Variants in SLC24A2 observed in about 807,000 individuals in gnomAD.
SLC24A2 encodes solute carrier family 24 member 2, also known as sodium/potassium/calcium exchanger 2.
Under a neutral mutation model 62.0 loss-of-function variants are expected in SLC24A2, and 36 were observed. The ratio of observed to expected loss-of-function variants is 0.58; its 90% CI spans 0.44 to 0.77. SLC24A2 has a LOEUF of 0.77. Ranked by LOEUF, SLC24A2 falls within the 30% of genes least tolerant of loss-of-function variation. The probability of loss-of-function intolerance (pLI) is 0.00; values close to 1 mark genes in which losing one functional copy is unlikely to be tolerated. For synonymous variants in SLC24A2, 358 were observed against 294.0 expected (o/e 1.22, Z -2.23); for missense variants, 846 against 817.9 (o/e 1.03, Z -0.42).
chr9:20,167,887 G>GT, the SLC24A2 span, among the ~76,000 whole-genome samples: 463 of 143,250 alleles, frequency 3.2e-3, 2 homozygotes, highest in South Asian at 0.022. Flanking sequence ...GCCCAGCCCT[G>GT]TTTTTTTTTT....
Position 19,560,907 on chromosome 9 carries a change from A to G in SLC24A2, c.1348-10639T>C, listed in dbSNP as rs574883512. Among the ~76,000 whole-genome samples the G allele has an allele frequency of 6.4e-3, 325 of 50,686 alleles. 2 individuals carry two copies. Among genetic ancestry groups the G allele is most frequent in the African/African-American group, 0.016 (163 of 10,382 alleles). 33.3% of individuals were successfully genotyped at this position (50,686 alleles called of 152,430 possible). A position where few individuals can be genotyped will look rare whatever the true frequency, so the allele number is the denominator to read the frequency against. On this transcript the variant is annotated intron_variant, in intron 7 of 10. Transcript: ENST00000341998. ...TGTGTGTGTGTGTGTGTATATATAT[A>G]TATATATATAGAGAGAGAGAGAGAG...
chr9:20,258,878 A>G, the SLC24A2 span, among the ~76,000 whole-genome samples: 1 of 151,200 alleles, frequency 6.6e-6, no homozygotes, highest in Non-Finnish European at 1.5e-5. Context: ...CCATCCATCC[A>G]TCCATCCATC....
At chr9:19,862,165 G>A in the SLC24A2 span, among the ~76,000 whole-genome samples, 1 of 151,960 alleles carries the variant, frequency 6.6e-6, no homozygotes, top group African/African-American at 2.4e-5. Flanking sequence ...AACTCCCAAA[G>A]GTCAAGGGTA....
At chr9:20,038,597 T>G in the SLC24A2 span, among the ~76,000 whole-genome samples, 27 of 140,512 alleles carry the variant, frequency 1.9e-4, no homozygotes, top group Non-Finnish European at 3.6e-4. Context: ...CTTTCTACGA[T>G]ATTTTTTTTC....
chr9:19,709,125 A>T (rs1460709852), intron 2 of SLC24A2, among the ~76,000 whole-genome samples: 1 of 152,208 alleles, frequency 6.6e-6, no homozygotes, highest in Admixed American at 6.5e-5. Context: ...AAAAGAAGAC[A>T]TTTATGCAGC....
the SLC24A2 span, among the ~76,000 whole-genome samples, chr9:19,867,195 C>T: frequency 6.6e-6 from 1 of 151,912 alleles, no homozygotes; most frequent in Non-Finnish European, 1.5e-5. Context: ...ATATATACAC[C>T]TGCTGTGTAC....
chr9:20,145,973 T>C, the SLC24A2 span, among the ~76,000 whole-genome samples: 1 of 152,058 alleles, frequency 6.6e-6, no homozygotes, highest in African/African-American at 2.4e-5. Context: ...TTCTATGCAG[T>C]CTTGCTAATG....
chr9:19,636,585 T>C (rs10117911), intron 2 of SLC24A2, among the ~76,000 whole-genome samples: 151,409 of 151,428 alleles, frequency 1, 75,695 homozygotes, highest in Middle Eastern at 1. Context: ...CAGGCAGCCA[T>C]CAACTTGCCC....
At chr9:19,667,301 G>T (rs1325456384) in intron 2 of SLC24A2, among the ~76,000 whole-genome samples, 4 of 152,162 alleles carry the variant, frequency 2.6e-5, no homozygotes, top group Admixed American at 6.5e-5. Flanking sequence ...AATGCACTGT[G>T]ATTTATCCTT....
At chr9:19,520,783 G>A in intron 10 of SLC24A2, 111 bp downstream of exon 10, 1 of 922,234 alleles carries the variant, frequency 1.1e-6, no homozygotes, top group Non-Finnish European at 1.8e-6. Context: ...ACTCTGTATT[G>A]GTATTGGTTA....
At chr9:19,778,470 A>T (rs991366290) in intron 2 of SLC24A2, among the ~76,000 whole-genome samples, 5 of 152,100 alleles carry the variant, frequency 3.3e-5, no homozygotes, top group Non-Finnish European at 4.4e-5. Context: ...AGAAAAAAAA[A>T]ATCTGCCTCG....
intron 8 of SLC24A2, 127 bp downstream of exon 8, chr9:19,550,010 G>C: frequency 1.1e-6 from 1 of 878,716 alleles, no homozygotes; most frequent in South Asian, 1.4e-5. Flanking sequence ...CCTATTTATG[G>C]GGTATATGTG....
chr9:19,530,180 T>C (rs1048036229), intron 8 of SLC24A2, among the ~76,000 whole-genome samples: 2 of 151,684 alleles, frequency 1.3e-5, no homozygotes, highest in African/African-American at 4.9e-5. Flanking sequence ...GCATTTAGCT[T>C]ATTAAAGTTC....
chr9:20,126,805 A>G, the SLC24A2 span, among the ~76,000 whole-genome samples: 1 of 152,174 alleles, frequency 6.6e-6, no homozygotes, highest in Non-Finnish European at 1.5e-5. Flanking sequence ...AGGCAGGAAC[A>G]GAATGTGTGT....
chr9:20,224,915 G>A, the SLC24A2 span, among the ~76,000 whole-genome samples: 1 of 152,054 alleles, frequency 6.6e-6, no homozygotes, highest in Non-Finnish European at 1.5e-5. Flanking sequence ...ATGTCTGGGA[G>A]CTTGCACTCT....
At chr9:19,895,360 G>A in the SLC24A2 span, among the ~76,000 whole-genome samples, 4 of 151,666 alleles carry the variant, frequency 2.6e-5, no homozygotes, top group Non-Finnish European at 5.9e-5. Flanking sequence ...AATGCACACC[G>A]GAGAGCCCAA....
chr9:20,300,009 A>G, the SLC24A2 span, among the ~76,000 whole-genome samples: 1 of 152,234 alleles, frequency 6.6e-6, no homozygotes, highest in Non-Finnish European at 1.5e-5. Flanking sequence ...CTTTATTTCT[A>G]GTACTTCCTG....
Position 19,516,267 on chromosome 9 carries a change from G to C in SLC24A2, c.1872C>G (p.Cys624Trp), listed in dbSNP as rs1439229684. 1 of 1,614,070 alleles carries C rather than the reference G, an allele frequency of 6.2e-7. No individual in the cohort carries two copies. Among genetic ancestry groups the C allele is most frequent in the Non-Finnish European group, 8.5e-7 (1 of 1,180,042 alleles). Residue 624 changes from cysteine (C) to tryptophan (W), a missense_variant, in exon 11 of 11, where the codon TGC (cysteine) becomes TGG (tryptophan). Transcript: ENST00000341998. ...LLFVILSIAL[C>W]KWRMNKILGF... ...CCAGGATTTTGTTCATTCGCCACTTGCAGAGGGCGATAGAGAGGATGACGA... is the reference window on the plus strand; with the variant it reads ...CCAGGATTTTGTTCATTCGCCACTTCCAGAGGGCGATAGAGAGGATGACGA...
chr9:20,225,562 A>ATATATAGTATATATATATAGTATATAT, the SLC24A2 span, among the ~76,000 whole-genome samples: 1 of 71,872 alleles, frequency 1.4e-5, no homozygotes, highest in Non-Finnish European at 2.4e-5. Context: ...TATATATATT[A>ATATATAGTATATATATATAGTATATAT]TATATATATA....
Sources: gnomAD v4.1 joint callset for allele counts (sites outside exome capture counted in the v4.1 genomes callset) on GRCh38, gnomAD v4.1.1 for gene constraint, MANE v1.5 for transcripts, NCBI Gene and HGNC (gene_info 2026-07-23, HGNC 2026-07-21) for gene names.